Variants in CNTD1 observed in about 807,000 individuals in gnomAD.
CNTD1 encodes the protein cyclin N-terminal domain-containing protein 1.
A neutral mutation model predicts 36.3 loss-of-function variants in CNTD1; 17 were observed. That is an observed-to-expected ratio of 0.47 (90% CI 0.32 to 0.70). The LOEUF (loss-of-function observed/expected upper bound fraction) is 0.70, where lower values mean the gene tolerates loss of function less well. CNTD1 is among the 30% of genes least tolerant of loss of function. The pLI is 0.03. For synonymous variants in CNTD1, 128 were observed against 153.3 expected (o/e 0.83, Z 1.22); for missense variants, 338 against 386.1 (o/e 0.88, Z 1.04).
In CNTD1 at chr17:42,806,654, C is replaced by T. The variant is rs780405813; in HGVS notation, c.581-20C>T. The T allele has an allele frequency of 3.1e-6, 5 of 1,611,934 alleles. No homozygotes were observed. Among genetic ancestry groups the T allele is most frequent in the Non-Finnish European group, 4.2e-6 (5 of 1,178,230 alleles). On this transcript the variant is annotated intron_variant, in intron 4 of 6. Coordinates refer to ENST00000588408, the MANE Select transcript of CNTD1 (RefSeq NM_173478.3). ...AGACATGATCATAAATTCTCCCTAT[C>T]ATTCCCATACTCCATCTAGGATACA...
chr17:42,811,556 T>C lies in CNTD1; in HGVS notation c.*2021T>C. Reference sequence around the variant, plus strand: ...TGTGATTCTGTGCCATTTTTTTGCTTTCCCACCATTTATACTGTTTTGCCT... The same window carrying C: ...TGTGATTCTGTGCCATTTTTTTGCTCTCCCACCATTTATACTGTTTTGCCT... On this transcript the variant is annotated 3_prime_UTR_variant, in exon 7 of 7. Transcript: ENST00000588408. The C allele has an allele frequency of 1.3e-6, 2 of 1,491,160 alleles. No individual in the cohort carries two copies. The highest frequency in any genetic ancestry group is 1.8e-6 in the Non-Finnish European group (2 of 1,109,308). The allele number at this position is 1,491,160 out of a possible 1,614,324, so 92.4% of individuals were successfully genotyped here.
intron 1 of CNTD1, among the ~76,000 whole-genome samples, chr17:42,801,495 C>CAAA (rs748783042): frequency 1.5e-3 from 54 of 35,284 alleles, no homozygotes; most frequent in Non-Finnish European, 1.9e-3. Context: ...GACCTTGTCT[C>CAAA]AAAAAAAAAA....
intron 1 of CNTD1, among the ~76,000 whole-genome samples, chr17:42,801,527 AT>A (rs1597912518): frequency 6.4e-5 from 5 of 78,646 alleles, no homozygotes; most frequent in Admixed American, 1.5e-4. Context: ...ATATATATAT[AT>A]ATATATATAT....
chr17:42,804,321 G>T lies in CNTD1; in HGVS notation c.342G>T (p.Gln114His), dbSNP rs963758426. 6.2e-7 allele frequency: 1 copy of T among 1,614,066 alleles called. No individual in the cohort carries two copies. ...CTCAGAATTGGAGGGCTCTGAAACA[G>T]CAGCTTGTCAACAAGTTTACTCTCC... is the stretch of plus-strand genomic sequence containing the variant. ...RESQNWRALK[Q>H]QLVNKFTLRL... is the part of the protein sequence containing the mutation. Residue 114 changes from glutamine to histidine, a missense_variant, in exon 3 of 7, where the codon CAG becomes CAT. Coordinates refer to ENST00000588408, the MANE Select transcript of CNTD1 (RefSeq NM_173478.3).
intron 6 of CNTD1, 135 bp from the exon 7 acceptor site, chr17:42,809,230 C>A (rs1374157386): frequency 2.3e-6 from 2 of 870,176 alleles, no homozygotes; most frequent in East Asian, 5.2e-5. Context: ...TGGCCATTGG[C>A]AAACACTGGA....
At chr17:42,801,549 T>TATATATATATATA (rs1567660361) in intron 1 of CNTD1, among the ~76,000 whole-genome samples, 10 of 45,440 alleles carry the variant, frequency 2.2e-4, no homozygotes, top group South Asian at 1.3e-3. Context: ...ATATATATAA[T>TATATATATATATA]ATATGTGTGT....
chr17:42,805,807 A>G lies in CNTD1; in HGVS notation c.503A>G (p.Asp168Gly), dbSNP rs753304143. 1 of 1,614,094 alleles carries G rather than the reference A, an allele frequency of 6.2e-7. No individual in the cohort carries two copies. Among genetic ancestry groups the G allele is most frequent in the African/African-American group, 1.3e-5 (1 of 75,044 alleles). Reference protein sequence around the residue: ...TKEELLESELDVLKSLNFRIN... With the variant: ...TKEELLESELGVLKSLNFRIN... ...GAAGAACTGCTGGAATCAGAGCTTG[A>G]TGTTTTGAAGTCCTTGAACTTCCGA... The change falls in exon 4 of 7, where the codon GAT becomes GGT. Residue 168 changes from aspartate (D) to glycine (G), a missense_variant. Physicochemically the swap from Asp to Gly is moderately conservative, Grantham distance 94 (BLOSUM62 -1). Transcript: ENST00000588408.
chr17:42,811,040 T>C lies in CNTD1; in HGVS notation c.*1505T>C. The C allele has an allele frequency of 1.8e-6, 2 of 1,139,906 alleles. No individual in the cohort carries two copies. Among genetic ancestry groups the C allele is most frequent in the South Asian group, 1.9e-5 (1 of 53,646 alleles). 70.6% of individuals were successfully genotyped at this position (1,139,906 alleles called of 1,614,324 possible). A position where few individuals can be genotyped will look rare whatever the true frequency, so the allele number is the denominator to read the frequency against. On this transcript the variant is annotated 3_prime_UTR_variant, in exon 7 of 7. Coordinates refer to ENST00000588408, the MANE Select transcript of CNTD1 (RefSeq NM_173478.3). ...CGTCATTTTATCTATTAAAGAACAC[T>C]TGGTGAGGAATGATAGTGTATTTTG...
chr17:42,808,967 T>C (rs987955609), intron 6 of CNTD1, among the ~76,000 whole-genome samples: 2 of 152,142 alleles, frequency 1.3e-5, no homozygotes, highest in Non-Finnish European at 2.9e-5. Flanking sequence ...GAGGATCACT[T>C]AAGCCCAGGA....
In CNTD1 at chr17:42,811,113, T is replaced by C. The variant is rs549332143; in HGVS notation, c.*1578T>C. On this transcript the variant is annotated 3_prime_UTR_variant, in exon 7 of 7. Coordinates refer to ENST00000588408, the MANE Select transcript of CNTD1 (RefSeq NM_173478.3). The stretch of plus-strand genomic sequence containing the variant: ...CAAGAAGACTGTCACAAGAGCCTCA[T>C]TGTCATTGCAGAGTACAGGGACAGG... 1,071 of 572,272 alleles carry C rather than the reference T, an allele frequency of 1.9e-3. 5 individuals carry two copies. The highest frequency in any genetic ancestry group is 3.2e-3 in the Middle Eastern group (7 of 2,162). The allele number at this position is 572,272 out of a possible 1,614,324, so 35.4% of individuals were successfully genotyped here. A position where few individuals can be genotyped will look rare whatever the true frequency, so the allele number is the denominator to read the frequency against.
Position 42,804,255 on chromosome 17 carries a change from C to T in CNTD1, c.276C>T (p.Cys92=). 6.2e-7 allele frequency: 1 copy of T among 1,613,954 alleles called. No homozygotes were observed. Among genetic ancestry groups the T allele is most frequent in the South Asian group, 1.1e-5 (1 of 91,040 alleles). The change falls in exon 3 of 7, where the codon TGC becomes TGT. Residue 92 remains cysteine, a synonymous_variant. Coordinates refer to ENST00000588408, the MANE Select transcript of CNTD1 (RefSeq NM_173478.3). ...TGGTAAAACAGGCAGAGAACATCTG[C>T]AGGCAAGCCACAATCCAGCCAAGAG... ...RFMVKQAENI[C]RQATIQPRDN...
At chr17:42,808,195 A>T (rs1287984367) in intron 6 of CNTD1, among the ~76,000 whole-genome samples, 1 of 152,124 alleles carries the variant, frequency 6.6e-6, no homozygotes, top group Non-Finnish European at 1.5e-5. Flanking sequence ...GAACTGTTTG[A>T]GCCCAGGAGT....
intron 1 of CNTD1, among the ~76,000 whole-genome samples, chr17:42,802,181 A>G (rs1307436777): frequency 1.3e-5 from 2 of 152,176 alleles, no homozygotes; most frequent in Non-Finnish European, 2.9e-5. Flanking sequence ...AGCCTGGGCA[A>G]CATAGGACAA....
At position 42,801,513 on chromosome 17, in the gene CNTD1, ATATATATAT is replaced by A. The variant is rs1567660157; in HGVS notation, c.170-2106_170-2098del. ...CTTGTCTCAAAAAAAAAAAAAAAAT[ATATATATAT>A]ATATATATATATATATATATATATA... is the stretch of plus-strand genomic sequence containing the variant. On this transcript the variant is annotated intron_variant, in intron 1 of 6. Coordinates refer to ENST00000588408, the MANE Select transcript of CNTD1 (RefSeq NM_173478.3). Among the ~76,000 whole-genome samples the A allele has an allele frequency of 0.01, 556 of 54,722 alleles. 49 individuals are homozygous for A. In the South Asian group the frequency reaches 0.15, roughly 14 times the overall value. The allele number at this position is 54,722 out of a possible 152,430, so 35.9% of individuals were successfully genotyped here. A position where few individuals can be genotyped will look rare whatever the true frequency, so the allele number is the denominator to read the frequency against.
intron 2 of CNTD1, 131 bp from the exon 3 acceptor site, chr17:42,804,094 C>T: frequency 3.8e-6 from 3 of 780,044 alleles, no homozygotes; most frequent in Non-Finnish European, 3.9e-6. Context: ...CTGCCTTGGC[C>T]TCCCAAAGTG....
intron 5 of CNTD1, 29 bp downstream of exon 5, chr17:42,806,847 T>C (rs758467879): frequency 8.7e-6 from 14 of 1,610,910 alleles, no homozygotes; most frequent in Non-Finnish European, 1.2e-5. Flanking sequence ...GGTAGGCTCC[T>C]TCCAGGAACA....
At position 42,807,849 on chromosome 17, in the gene CNTD1, T is replaced by C. The variant is rs757780405; in HGVS notation, c.807T>C (p.His269=). The C allele has an allele frequency of 3.1e-6, 5 of 1,612,604 alleles. No homozygotes were observed. The East Asian group carries it at 8.9e-5, about 29-fold the overall frequency. Residue 269 remains histidine (H), a synonymous_variant, in exon 6 of 7, where the codon CAT becomes CAC. Coordinates refer to ENST00000588408, the MANE Select transcript of CNTD1 (RefSeq NM_173478.3). ...IIAASAFIQN[H]ECWSQVVGHL... The stretch of plus-strand genomic sequence containing the variant: ...CAGCAAGTGCTTTCATCCAAAACCA[T>C]GAGTGTTGGAGCCAGGTATGCACCA...
At position 42,810,649 on chromosome 17, in the gene CNTD1, T is replaced by C. The variant is rs1597922996; in HGVS notation, c.*1114T>C. ...TGGCTTTTGTGGATTTTTTCTTTTT[T>C]GGTATTGTAAACATGTACTGTTTAA... On this transcript the variant is annotated 3_prime_UTR_variant, in exon 7 of 7. Coordinates refer to ENST00000588408, the MANE Select transcript of CNTD1 (RefSeq NM_173478.3). 8.5e-7 allele frequency: 1 copy of C among 1,172,472 alleles called. No individual in the cohort carries two copies. The highest frequency in any genetic ancestry group is 1.2e-6 in the Non-Finnish European group (1 of 863,590). The allele number at this position is 1,172,472 out of a possible 1,614,324, so 72.6% of individuals were successfully genotyped here.
Position 42,804,325 on chromosome 17 carries a change from C to T in CNTD1, c.346C>T (p.Leu116Phe), listed in dbSNP as rs1197146887. ...GAATTGGAGGGCTCTGAAACAGCAGCTTGTCAACAAGTTTACTCTCCGTCT... is the reference window on the plus strand; with the variant it reads ...GAATTGGAGGGCTCTGAAACAGCAGTTTGTCAACAAGTTTACTCTCCGTCT... ...SQNWRALKQQ[L>F]VNKFTLRLVS... Residue 116 changes from leucine to phenylalanine, a missense_variant, in exon 3 of 7, where the codon CTT becomes TTT. Leu to Phe is a conservative substitution (Grantham distance 22, BLOSUM62 0). Transcript: ENST00000588408. 1.2e-6 allele frequency: 2 copies of T among 1,614,042 alleles called. No homozygotes were observed. The highest frequency in any genetic ancestry group is 1.7e-6 in the Non-Finnish European group (2 of 1,179,974).
Sources: gnomAD v4.1 joint callset for allele counts (sites outside exome capture counted in the v4.1 genomes callset) on GRCh38, gnomAD v4.1.1 for gene constraint, MANE v1.5 for transcripts, NCBI Gene and HGNC (gene_info 2026-07-23, HGNC 2026-07-21) for gene names.